Variants in TOX4 observed in about 807,000 individuals in gnomAD.
TOX4 encodes TOX high mobility group box family member 4.
TOX4 carries 12 observed loss-of-function variants against 61.0 expected under a neutral mutation model. The ratio of observed to expected loss-of-function variants is 0.20; its 90% CI spans 0.13 to 0.32. The LOEUF is 0.32. Among genes scored for constraint, TOX4 ranks in the 10% least tolerant of loss-of-function variants. TOX4 has a pLI of 1.00. For missense variants in TOX4, 499 were observed against 753.3 expected, an observed-to-expected ratio of 0.66 and a Z score of 3.95; for synonymous variants, 268 against 274.8, an observed-to-expected ratio of 0.98 and a Z score of 0.24.
intron 2 of TOX4, among the ~76,000 whole-genome samples, chr14:21,487,225 T>C (rs1891204133): frequency 6.6e-6 from 1 of 152,132 alleles, no homozygotes; most frequent in South Asian, 2.1e-4. Flanking sequence ...GATAAAAGAA[T>C]TGAAAATTGT....
chr14:21,477,706 T>C (rs1388308779), intron 2 of TOX4, 142 bp downstream of exon 2: 3 of 861,360 alleles, frequency 3.5e-6, no homozygotes, highest in Admixed American at 2.5e-5. Flanking sequence ...TGGCGGTTGC[T>C]TCTAGAGCCT....
chr14:21,496,211 CAAAA>C (rs570396556), intron 8 of TOX4: 59 of 110,208 alleles, frequency 5.4e-4, no homozygotes, highest in East Asian at 1.1e-3. Context: ...GACTCCATCT[CAAAA>C]AAAAAAAAAA....
chr14:21,479,993 T>C (rs1891081165), intron 2 of TOX4, among the ~76,000 whole-genome samples: 1 of 152,186 alleles, frequency 6.6e-6, no homozygotes. Flanking sequence ...TGGTTCCTTT[T>C]TGCTTTTGCT....
chr14:21,482,400 A>G (rs927075380), intron 2 of TOX4, among the ~76,000 whole-genome samples: 2 of 152,232 alleles, frequency 1.3e-5, no homozygotes, highest in African/African-American at 2.4e-5. Flanking sequence ...AAATTTCTCT[A>G]AAGTGAATGA....
chr14:21,489,618 A>G (rs1471696779), intron 5 of TOX4, among the ~76,000 whole-genome samples: 2 of 151,698 alleles, frequency 1.3e-5, no homozygotes, highest in East Asian at 2.0e-4. Context: ...TCGCTCTGTC[A>G]CCCAGGCTGG....
chr14:21,491,207 T>C (rs1891283275), intron 5 of TOX4, among the ~76,000 whole-genome samples: 1 of 152,110 alleles, frequency 6.6e-6, no homozygotes, highest in African/African-American at 2.4e-5. Context: ...GAGGGGGAAA[T>C]AGGCTTCAGC....
Position 21,496,736 on chromosome 14 carries a change from C to A in TOX4, c.*130C>A. 2.6e-6 allele frequency: 2 copies of A among 757,586 alleles called. No individual in the cohort carries two copies. Among genetic ancestry groups the A allele is most frequent in the Admixed American group, 2.4e-5 (1 of 41,040 alleles). 46.9% of individuals were successfully genotyped at this position (757,586 alleles called of 1,614,324 possible). A position where few individuals can be genotyped will look rare whatever the true frequency, so the allele number is the denominator to read the frequency against. On this transcript the variant is annotated 3_prime_UTR_variant, in exon 9 of 9. Transcript: ENST00000448790. Reference sequence around the variant, plus strand: ...CATGATGGCTGTTCATGTTTCACCCCTTTTCTTCCTTCAGCAGAGGCCAGG... The same window carrying A: ...CATGATGGCTGTTCATGTTTCACCCATTTTCTTCCTTCAGCAGAGGCCAGG...
At chr14:21,494,566 T>G (rs1480817424) in intron 7 of TOX4, among the ~76,000 whole-genome samples, 1 of 151,798 alleles carries the variant, frequency 6.6e-6, no homozygotes, top group Non-Finnish European at 1.5e-5. Flanking sequence ...GCTAACACGG[T>G]GAAAACCCGT....
At chr14:21,487,411 C>G in intron 2 of TOX4, 40 bp from the exon 3 acceptor site, 2 of 1,601,222 alleles carry the variant, frequency 1.2e-6, no homozygotes, top group Non-Finnish European at 1.7e-6. Flanking sequence ...GCCATTTCTC[C>G]TCTTTTCACT....
chr14:21,482,365 GA>G (rs1409827521), intron 2 of TOX4, among the ~76,000 whole-genome samples: 2 of 152,094 alleles, frequency 1.3e-5, no homozygotes, highest in African/African-American at 4.8e-5. Flanking sequence ...GCGTATTGTT[GA>G]ATAAATAGGT....
At chr14:21,490,848 G>A (rs112826371) in intron 5 of TOX4, among the ~76,000 whole-genome samples, 2,359 of 152,292 alleles carry the variant, frequency 0.015, 42 homozygotes, top group African/African-American at 0.054. Context: ...TTTTTGAGAT[G>A]GAATTTCGCT....
intron 7 of TOX4, among the ~76,000 whole-genome samples, chr14:21,494,177 A>T (rs1184517618): frequency 6.6e-6 from 1 of 152,234 alleles, no homozygotes; most frequent in Non-Finnish European, 1.5e-5. Context: ...TTACCCAAGG[A>T]TCCTAAACTT....
In TOX4 at chr14:21,498,492, G is replaced by A. The variant is rs1000723956; in HGVS notation, c.*1886G>A. The A allele has an allele frequency of 6.9e-6, 6 of 875,280 alleles. No homozygotes were observed. The Admixed American group carries it at 7.7e-5, about 11-fold the overall frequency. The allele number at this position is 875,280 out of a possible 1,614,324, so 54.2% of individuals were successfully genotyped here. A position where few individuals can be genotyped will look rare whatever the true frequency, so the allele number is the denominator to read the frequency against. ...ATATCAAATATGCCAATTCTAAAAA[G>A]AGCTTAACATTAGAATAGTATATGG... is the stretch of plus-strand genomic sequence containing the variant. On this transcript the variant is annotated 3_prime_UTR_variant, in exon 9 of 9. Coordinates refer to ENST00000448790, the MANE Select transcript of TOX4 (RefSeq NM_014828.4).
chr14:21,483,359 C>T lies in TOX4; in HGVS notation c.76-4092C>T, dbSNP rs150535900. ...TATTAGTCTAGTACAGTAAATGTTTCCCTTGATCCTTCTTCCTGTTCCTAT... is the reference window on the plus strand; with the variant it reads ...TATTAGTCTAGTACAGTAAATGTTTTCCTTGATCCTTCTTCCTGTTCCTAT... On this transcript the variant is annotated intron_variant, in intron 2 of 8. Transcript: ENST00000448790. Among the ~76,000 whole-genome samples, 578 of 151,184 alleles carry T rather than the reference C, an allele frequency of 3.8e-3. 4 individuals are homozygous for T. The highest frequency in any genetic ancestry group is 0.013 in the African/African-American group (545 of 41,210).
chr14:21,485,556 G>A (rs1891179185), intron 2 of TOX4, among the ~76,000 whole-genome samples: 1 of 101,784 alleles, frequency 9.8e-6, no homozygotes, highest in South Asian at 3.4e-4. Context: ...TTTTATCATG[G>A]GTGACAAAGG....
chr14:21,489,485 A>G, intron 5 of TOX4, 82 bp downstream of exon 5: 3 of 1,213,188 alleles, frequency 2.5e-6, no homozygotes, highest in Non-Finnish European at 3.5e-6. Flanking sequence ...TTTTTCTTAC[A>G]TGTCCTTATC....
At chr14:21,492,118 G>T in intron 5 of TOX4, 178 bp from the exon 6 acceptor site, 1 of 603,084 alleles carries the variant, frequency 1.7e-6, no homozygotes. Context: ...GCTCAGTGGA[G>T]TGAGTCTGCC....
At chr14:21,491,991 A>G in intron 5 of TOX4, 1 of 194,784 alleles carries the variant, frequency 5.1e-6, no homozygotes, top group Non-Finnish European at 1.1e-5. Flanking sequence ...AGCCTGGGCG[A>G]GAGAGCACGA....
In TOX4 at chr14:21,489,283, T is replaced by C; in HGVS notation, c.690T>C (p.Tyr230=). 1 of 1,614,198 alleles carries C rather than the reference T, an allele frequency of 6.2e-7. No homozygotes were observed. The highest frequency in any genetic ancestry group is 8.5e-7 in the Non-Finnish European group (1 of 1,180,042). ...PNEPQKPVSA[Y]ALFFRDTQAA... Reference sequence around the variant, plus strand: ...AACCTCAGAAACCAGTTTCAGCATATGCTTTATTCTTTCGTGATACACAGG... The same window carrying C: ...AACCTCAGAAACCAGTTTCAGCATACGCTTTATTCTTTCGTGATACACAGG... Residue 230 remains tyrosine, a synonymous_variant, in exon 5 of 9, where the codon TAT becomes TAC. Coordinates refer to ENST00000448790, the MANE Select transcript of TOX4 (RefSeq NM_014828.4).
Sources: gnomAD v4.1 joint callset for allele counts (sites outside exome capture counted in the v4.1 genomes callset) on GRCh38, gnomAD v4.1.1 for gene constraint, MANE v1.5 for transcripts, NCBI Gene and HGNC (gene_info 2026-07-23, HGNC 2026-07-21) for gene names.